Variants in DSE observed in about 807,000 individuals in gnomAD.
DSE encodes the protein dermatan sulfate epimerase, also known as dermatan-sulfate epimerase.
Under a neutral mutation model 84.4 loss-of-function variants are expected in DSE, and 36 were observed. The ratio of observed to expected loss-of-function variants is 0.43; its 90% CI spans 0.33 to 0.56. The LOEUF is 0.56. Among genes scored for constraint, DSE ranks in the 20% least tolerant of loss-of-function variants. The pLI is 0.06. For missense variants in DSE, 862 were observed against 1,169.6 expected, an observed-to-expected ratio of 0.74 and a Z score of 3.84; for synonymous variants, 410 against 430.1, an observed-to-expected ratio of 0.95 and a Z score of 0.58.
intron 2 of DSE, among the ~76,000 whole-genome samples, chr6:116,325,237 A>G (rs573679778): frequency 6.6e-6 from 1 of 152,280 alleles, no homozygotes; most frequent in Non-Finnish European, 1.5e-5. Flanking sequence ...GGTTGCCTAA[A>G]TTTTCTAAGT....
intron 1 of DSE, among the ~76,000 whole-genome samples, chr6:116,382,049 G>GTGTGTGTGTGTA (rs1390984618): frequency 6.6e-6 from 1 of 151,544 alleles, no homozygotes; most frequent in Non-Finnish European, 1.5e-5. Context: ...GTGTGTGTGT[G>GTGTGTGTGTGTA]TGTGTGTGTG....
rs1335921236 is a variant in DSE at position 116,281,357 on chromosome 6, T to C, written c.-54+22390T>C. ...TCTAAACTCCAGCACTATAAGAAAA[T>C]AAATTTGTGCATTTTAAGCTATTAA... On this transcript the variant is annotated intron_variant, in intron 2 of 3. Coordinates refer to the DSE transcript ENST00000430252. Among the ~76,000 whole-genome samples the C allele has an allele frequency of 7.9e-5, 12 of 152,296 alleles. No homozygotes were observed. In the East Asian group the frequency reaches 2.1e-3, roughly 27 times the overall value.
chr6:116,287,968 T>A (rs1022154306), intron 2 of DSE: 2 of 152,166 alleles, frequency 1.3e-5, no homozygotes, highest in African/African-American at 4.8e-5. Flanking sequence ...AATACTTTTT[T>A]ATTTAAATTG....
chr6:116,341,319 C>T (rs9481628), intron 2 of DSE, among the ~76,000 whole-genome samples: 2,504 of 152,154 alleles, frequency 0.016, 77 homozygotes, highest in African/African-American at 0.058. Flanking sequence ...ACCCACTTTT[C>T]GATGGGATAA....
In DSE at chr6:116,406,797, T is replaced by C. The variant is rs558356088; in HGVS notation, c.416+7131T>C. ...ATCCATCTTTCCTTTTCCTTTCCAG[T>C]GTCAACATGCGAGTTCTGGACAGCA... is the stretch of plus-strand genomic sequence containing the variant. On this transcript the variant is annotated intron_variant, in intron 2 of 5. Coordinates refer to ENST00000644252, the MANE Select transcript of DSE (RefSeq NM_013352.4). 2.6e-5 allele frequency among the ~76,000 whole-genome samples: 4 copies of C among 152,308 alleles called. No homozygotes were observed. The South Asian group carries it at 8.3e-4, about 32-fold the overall frequency.
At chr6:116,421,463 A>ATATATATATATATATATTT (rs1357496121) in intron 2 of DSE, among the ~76,000 whole-genome samples, 5 of 61,336 alleles carry the variant, frequency 8.2e-5, no homozygotes, top group African/African-American at 2.8e-4. Flanking sequence ...ATATATATAT[A>ATATATATATATATATATTT]TTTTTTTTTT....
At chr6:116,330,508 TAGAA>T (rs1334946986) in intron 2 of DSE, among the ~76,000 whole-genome samples, 1 of 152,164 alleles carries the variant, frequency 6.6e-6, no homozygotes, top group African/African-American at 2.4e-5. Flanking sequence ...AATCAAGAAA[TAGAA>T]AGAGCTACCC....
In DSE at chr6:116,443,195, C is replaced by T. The variant is rs1286760331; in HGVS notation, c.*5850C>T. ...GAGAGGGAATGTTTAACTCCTAGCCCACAGGCAAAATGTGTGGCCAAAGGA... is the reference window on the plus strand; with the variant it reads ...GAGAGGGAATGTTTAACTCCTAGCCTACAGGCAAAATGTGTGGCCAAAGGA... On this transcript the variant is annotated 3_prime_UTR_variant, in exon 6 of 6. Transcript: ENST00000644252. 3.3e-5 allele frequency: 5 copies of T among 152,100 alleles called. No homozygotes were observed. Among genetic ancestry groups the T allele is most frequent in the African/African-American group, 1.2e-4 (5 of 41,388 alleles). 9.4% of individuals were successfully genotyped at this position (152,100 alleles called of 1,614,324 possible).
chr6:116,435,356 G>A (rs1015045556), intron 5 of DSE, among the ~76,000 whole-genome samples: 7 of 152,020 alleles, frequency 4.6e-5, no homozygotes, highest in Non-Finnish European at 8.8e-5. Context: ...AAATCATTTC[G>A]GGCCCAAACC....
intron 2 of DSE, among the ~76,000 whole-genome samples, chr6:116,274,070 T>C (rs1237615890): frequency 2.0e-5 from 3 of 151,728 alleles, no homozygotes. Context: ...CCTCAGGTGA[T>C]CCAGCCGCCT....
chr6:116,430,387 T>C (rs1480234793), intron 3 of DSE, among the ~76,000 whole-genome samples: 1 of 152,254 alleles, frequency 6.6e-6, no homozygotes, highest in African/African-American at 2.4e-5. Flanking sequence ...TCAAGTATTA[T>C]ATTTTTAGGA....
upstream of DSE, among the ~76,000 whole-genome samples, chr6:116,369,174 G>A (rs945175343): frequency 2.6e-5 from 4 of 152,198 alleles, no homozygotes; most frequent in Non-Finnish European, 4.4e-5. Context: ...TTGTTCTTGC[G>A]TGGGGGTCCC....
At chr6:116,434,740 T>C (rs1562312230) in intron 5 of DSE, among the ~76,000 whole-genome samples, 1 of 152,190 alleles carries the variant, frequency 6.6e-6, no homozygotes. Flanking sequence ...TAAGTAGAGA[T>C]ATAATTTCTG....
intron 2 of DSE, chr6:116,279,469 A>T (rs1436898821): frequency 6.2e-7 from 1 of 1,612,740 alleles, no homozygotes; most frequent in East Asian, 2.2e-5. Flanking sequence ...GCCCTTTTTC[A>T]GGCTGCGGTC....
rs1355088066 is a variant in DSE at position 116,440,853 on chromosome 6, T to G, written c.*3508T>G. ...GCTTTTTAAGCAAGTTTAGGGAACT[T>G]GAGATGACCTGATTGAGACCCCTAA... is the stretch of plus-strand genomic sequence containing the variant. On this transcript the variant is annotated 3_prime_UTR_variant, in exon 6 of 6. Transcript: ENST00000644252. 1 of 152,124 alleles carries G rather than the reference T, an allele frequency of 6.6e-6. No homozygotes were observed. Among genetic ancestry groups the G allele is most frequent in the Non-Finnish European group, 1.5e-5 (1 of 68,012 alleles). 9.4% of individuals were successfully genotyped at this position (152,124 alleles called of 1,614,324 possible).
chr6:116,343,300 T>G (rs2114826369), intron 2 of DSE, among the ~76,000 whole-genome samples: 1 of 152,326 alleles, frequency 6.6e-6, no homozygotes, highest in East Asian at 1.9e-4. Flanking sequence ...ACAGTAGTGG[T>G]TCTCCCGGCA....
At chr6:116,352,775 G>A (rs1778375486) in intron 2 of DSE, among the ~76,000 whole-genome samples, 2 of 152,132 alleles carry the variant, frequency 1.3e-5, no homozygotes, top group East Asian at 3.9e-4. Context: ...TTGCAACACA[G>A]CCTTAGGGCA....
chr6:116,425,938 A>C (rs1783424201), intron 2 of DSE, among the ~76,000 whole-genome samples: 2 of 152,208 alleles, frequency 1.3e-5, no homozygotes, highest in Non-Finnish European at 2.9e-5. Context: ...TTAGAAAGAT[A>C]TTTGAAGGAC....
intron 5 of DSE, among the ~76,000 whole-genome samples, chr6:116,434,702 A>G (rs1784045149): frequency 6.6e-6 from 1 of 152,188 alleles, no homozygotes. Flanking sequence ...TTTAAATCAC[A>G]TTAATTAAGC....
Sources: allele counts gnomAD v4.1 joint callset (sites outside exome capture counted in the v4.1 genomes callset), GRCh38; gene constraint gnomAD v4.1.1; transcripts MANE v1.5; gene names NCBI Gene and HGNC (gene_info 2026-07-23, HGNC 2026-07-21).